Variants in NINL observed in about 807,000 individuals in gnomAD.
NINL encodes ninein-like protein.
In NINL, 153 loss-of-function variants were observed where a neutral mutation model predicts 160.3. The observed-to-expected ratio is 0.95, with a 90% CI of 0.84 to 1.09. The LOEUF is 1.09. Among genes scored for constraint, NINL ranks in the 50% least tolerant of loss-of-function variants. The pLI, the probability that NINL is intolerant of heterozygous loss-of-function variation, is 0.00. For missense variants in NINL, 1,829 were observed against 1,764.0 expected (o/e 1.04, Z -0.66); for synonymous variants, 800 against 734.8 (o/e 1.09, Z -1.43).
intron 1 of NINL, among the ~76,000 whole-genome samples, chr20:25,576,121 C>A (rs1363189228): frequency 6.6e-6 from 1 of 152,166 alleles, no homozygotes; most frequent in African/African-American, 2.4e-5. Flanking sequence ...TCTTTTTCAC[C>A]CCAGTCCAGT....
At chr20:25,456,399 T>C (rs1310960367) in intron 22 of NINL, among the ~76,000 whole-genome samples, 2 of 147,476 alleles carry the variant, frequency 1.4e-5, no homozygotes, top group East Asian at 4.1e-4. Context: ...ATACAAAAAA[T>C]CAGCCGGGCA....
chr20:25,476,268 C>T lies in NINL; in HGVS notation c.3023G>A (p.Gly1008Glu). The T allele has an allele frequency of 2.5e-6, 4 of 1,613,776 alleles. No individual in the cohort carries two copies. The highest frequency in any genetic ancestry group is 3.4e-6 in the Non-Finnish European group (4 of 1,179,968). The change falls in exon 17 of 24, where the codon GGG (glycine) becomes GAG (glutamate). Residue 1008 changes from glycine (G) to glutamate (E), a missense_variant. Coordinates refer to ENST00000278886, the MANE Select transcript of NINL (RefSeq NM_025176.6). ...QARAEGALEP[G>E]CHKHSVEVAR... The stretch of plus-strand genomic sequence containing the variant: ...AACCTCCACACTGTGCTTGTGACAC[C>T]CAGGCTCCAGGGCGCCCTCGGCCCG...
At chr20:25,496,609 C>A in intron 10 of NINL, 54 bp downstream of exon 10, 1 of 1,600,194 alleles carries the variant, frequency 6.2e-7, no homozygotes, top group South Asian at 1.1e-5. Context: ...TACCTGCCCT[C>A]AAAGGGGCTG....
At chr20:25,498,133 T>G (rs2063795327) in intron 9 of NINL, 77 bp downstream of exon 9, 1 of 1,554,144 alleles carries the variant, frequency 6.4e-7, no homozygotes, top group Non-Finnish European at 8.8e-7. Context: ...ACTGGTGTCC[T>G]TTGTGTCCCA....
chr20:25,510,555 C>G (rs890146321), intron 5 of NINL, 119 bp downstream of exon 5: 7 of 880,122 alleles, frequency 8.0e-6, no homozygotes, highest in Non-Finnish European at 1.3e-5. Context: ...ACACAACCCA[C>G]CCCATGCATT....
chr20:25,584,896 C>T (rs1321299006), intron 1 of NINL, among the ~76,000 whole-genome samples: 3 of 152,262 alleles, frequency 2.0e-5, no homozygotes, highest in Non-Finnish European at 4.4e-5. Flanking sequence ...ATCTGCAAAA[C>T]GAGTACAACA....
At chr20:25,536,071 G>T (rs1278232386) in intron 1 of NINL, among the ~76,000 whole-genome samples, 1 of 152,204 alleles carries the variant, frequency 6.6e-6, no homozygotes, top group East Asian at 1.9e-4. Context: ...GATCAGAATG[G>T]CACCATGCCC....
chr20:25,537,774 T>TG (rs888962459), intron 1 of NINL, among the ~76,000 whole-genome samples: 25 of 152,202 alleles, frequency 1.6e-4, no homozygotes, highest in African/African-American at 5.8e-4. Flanking sequence ...TGTCCCATTG[T>TG]GGGGGGCGCA....
chr20:25,533,674 G>A (rs1442521342), intron 1 of NINL, among the ~76,000 whole-genome samples: 3 of 152,104 alleles, frequency 2.0e-5, no homozygotes, highest in East Asian at 1.9e-4. Context: ...ACCACAAAAC[G>A]GGAAAAAGAC....
At chr20:25,584,159 A>AAAAACAAAAACAAAAC (rs2065203103) in intron 1 of NINL, among the ~76,000 whole-genome samples, 3 of 152,282 alleles carry the variant, frequency 2.0e-5, no homozygotes, top group South Asian at 2.1e-4. Context: ...AATAAAATTA[A>AAAAACAAAAACAAAAC]AAAACAAAAA....
intron 13 of NINL, among the ~76,000 whole-genome samples, chr20:25,488,553 G>A (rs1300969244): frequency 6.6e-6 from 1 of 151,876 alleles, no homozygotes; most frequent in Admixed American, 6.6e-5. Flanking sequence ...CGGGGCACGT[G>A]GCAGTTCCAG....
At chr20:25,493,381 G>A (rs977803868) in intron 10 of NINL, among the ~76,000 whole-genome samples, 2 of 152,150 alleles carry the variant, frequency 1.3e-5, no homozygotes, top group African/African-American at 4.8e-5. Flanking sequence ...ACAGGGATAG[G>A]TGGATCCCGA....
At chr20:25,578,588 C>T (rs1055989089) in intron 1 of NINL, among the ~76,000 whole-genome samples, 1 of 151,300 alleles carries the variant, frequency 6.6e-6, no homozygotes, top group Non-Finnish European at 1.5e-5. Context: ...GGTCAGGAGA[C>T]CGAGACCATC....
chr20:25,510,415 A>G (rs2064046515), intron 5 of NINL, among the ~76,000 whole-genome samples: 1 of 152,212 alleles, frequency 6.6e-6, no homozygotes, highest in African/African-American at 2.4e-5. Flanking sequence ...AGTGTGACGA[A>G]CCACGATGCT....
At chr20:25,518,521 A>G (rs371644378) in intron 2 of NINL, among the ~76,000 whole-genome samples, 21 of 152,352 alleles carry the variant, frequency 1.4e-4, no homozygotes, top group African/African-American at 4.8e-4. Flanking sequence ...AAGTATTTAC[A>G]TGATATTATC....
intron 11 of NINL, among the ~76,000 whole-genome samples, chr20:25,490,743 A>T (rs930079792): frequency 4.6e-5 from 7 of 151,962 alleles, no homozygotes; most frequent in African/African-American, 1.7e-4. Flanking sequence ...CTGCAGTGAG[A>T]AGGGTGGAGA....
intron 1 of NINL, among the ~76,000 whole-genome samples, chr20:25,573,339 A>C (rs185302011): frequency 9.2e-5 from 14 of 152,298 alleles, no homozygotes; most frequent in African/African-American, 3.1e-4. Flanking sequence ...CATAGCCTAT[A>C]AAATCTATGC....
intron 1 of NINL, among the ~76,000 whole-genome samples, chr20:25,556,099 T>C (rs538932108): frequency 2.6e-5 from 4 of 151,964 alleles, no homozygotes; most frequent in East Asian, 1.9e-4. Flanking sequence ...TGGGCAAACA[T>C]AGTGAGACTT....
chr20:25,480,375 G>T (rs2063362384), intron 14 of NINL, 108 bp from the exon 15 acceptor site: 6 of 761,122 alleles, frequency 7.9e-6, no homozygotes, highest in South Asian at 1.6e-5. Flanking sequence ...GGGGCAGGTG[G>T]TGCTGGCTGT....
Sources: allele counts gnomAD v4.1 joint callset (sites outside exome capture counted in the v4.1 genomes callset), GRCh38; gene constraint gnomAD v4.1.1; transcripts MANE v1.5; gene names NCBI Gene and HGNC (gene_info 2026-07-23, HGNC 2026-07-21).